Variants in GLI3 observed in about 807,000 individuals in gnomAD.
GLI3 encodes the protein GLI family zinc finger 3, also known as transcription activator GLI3.
A neutral mutation model predicts 100.8 loss-of-function variants in GLI3; 20 were observed. The ratio of observed to expected loss-of-function variants is 0.20; its 90% CI spans 0.14 to 0.29. GLI3 has a LOEUF of 0.29. GLI3 is among the 10% of genes least tolerant of loss of function. GLI3 has a pLI of 1.00. For synonymous variants in GLI3, 938 were observed against 860.5 expected, an observed-to-expected ratio of 1.09 and a Z score of -1.58; for missense variants, 2,040 against 2,128.5, an observed-to-expected ratio of 0.96 and a Z score of 0.82.
In GLI3 at chr7:42,026,266, G is replaced by C; in HGVS notation, c.1175C>G (p.Pro392Arg). 1 of 1,614,098 alleles carries C rather than the reference G, an allele frequency of 6.2e-7. No homozygotes were observed. Among genetic ancestry groups the C allele is most frequent in the Non-Finnish European group, 8.5e-7 (1 of 1,180,006 alleles). ...CAGAACCGTAGGGATCCCTGGAATA[G>C]GCCTCTGTGTTGGAAAAGTTGGGGC... ...HPAPTFPTQR[P>R]IPGIPTVLNP... is the part of the protein sequence containing the mutation. The change falls in exon 8 of 15, where the codon CCT becomes CGT. Residue 392 changes from proline (P) to arginine (R), a missense_variant. Physicochemically the swap from Pro to Arg is moderately radical, Grantham distance 103 (BLOSUM62 -2). This residue lies in a region of GLI3 where 603 missense variants were observed against 690.9 expected (regional missense o/e 0.87). Transcript: ENST00000395925.
intron 3 of GLI3, among the ~76,000 whole-genome samples, chr7:42,136,451 G>A (rs1368039334): frequency 6.6e-6 from 1 of 152,116 alleles, no homozygotes; most frequent in East Asian, 1.9e-4. Context: ...CACATAATGA[G>A]GTCCTCAGCC....
intron 2 of GLI3, among the ~76,000 whole-genome samples, chr7:42,174,572 T>C (rs181598554): frequency 3.3e-5 from 5 of 152,268 alleles, no homozygotes; most frequent in Admixed American, 1.3e-4. Context: ...AATCAGCCCT[T>C]TGCCCAACGA....
rs3735361 is a variant in GLI3, at chr7:41,961,326, C to A, written c.*3004G>T. On this transcript the variant is annotated 3_prime_UTR_variant, in exon 15 of 15. Coordinates refer to ENST00000395925, the MANE Select transcript of GLI3 (RefSeq NM_000168.6). The stretch of plus-strand genomic sequence containing the variant: ...ATCCTCCTATCAGTTCAAAACAACA[C>A]ATGAAACCAGGATACAAGACAGCCT... 31 of 152,304 alleles carry A rather than the reference C, an allele frequency of 2.0e-4. No homozygotes were observed. The allele number at this position is 152,304 out of a possible 1,614,324, so 9.4% of individuals were successfully genotyped here.
At chr7:42,144,937 G>T (rs1399526750) in intron 3 of GLI3, among the ~76,000 whole-genome samples, 1 of 152,160 alleles carries the variant, frequency 6.6e-6, no homozygotes, top group Non-Finnish European at 1.5e-5. Context: ...AGATGTTTCT[G>T]AACTTGAGCT....
intron 4 of GLI3, among the ~76,000 whole-genome samples, chr7:42,055,078 TGTATATATACATATATAC>T (rs910580429): frequency 1.0e-4 from 14 of 137,620 alleles, no homozygotes; most frequent in African/African-American, 4.3e-4. Context: ...TACATATATA[TGTATATATACATATATAC>T]ACATATATGT....
Position 41,964,499 on chromosome 7 carries a change from G to A in GLI3, c.4574C>T (p.Pro1525Leu), listed in dbSNP as rs754037065. Residue 1525 changes from proline to leucine, a missense_variant, in exon 15 of 15, where the codon CCA (proline) becomes CTA (leucine). This residue lies in a region of GLI3 where 1,041 missense variants were observed against 924.0 expected (regional missense o/e 1.13). Coordinates refer to ENST00000395925, the MANE Select transcript of GLI3 (RefSeq NM_000168.6). ...ATGGGAAAGGTTCTGAATGATACTT[G>A]GGCTCAGGGCCCCCGACATCAGGCT... Reference protein sequence around the residue: ...HSSLMSGALSPSIIQNLSHSS... With the variant: ...HSSLMSGALSLSIIQNLSHSS... The A allele has an allele frequency of 3.8e-5, 62 of 1,614,016 alleles. No individual in the cohort carries two copies. The highest frequency in any genetic ancestry group is 2.0e-4 in the South Asian group (18 of 91,088).
chr7:42,187,700 T>C (rs1036706208), intron 2 of GLI3, among the ~76,000 whole-genome samples: 1 of 152,020 alleles, frequency 6.6e-6, no homozygotes, highest in Non-Finnish European at 1.5e-5. Flanking sequence ...CAATTAGTGG[T>C]GTCCTTACGA....
chr7:41,968,746 A>AGG (rs1562661983), intron 13 of GLI3, among the ~76,000 whole-genome samples: 6 of 131,682 alleles, frequency 4.6e-5, no homozygotes, highest in Admixed American at 2.1e-4. Context: ...GAAAGAAAGA[A>AGG]AGAAAGAAAG....
chr7:42,104,553 A>G (rs1004255269), intron 3 of GLI3, among the ~76,000 whole-genome samples: 1 of 152,272 alleles, frequency 6.6e-6, no homozygotes, highest in Non-Finnish European at 1.5e-5. Context: ...GTGTGAGATT[A>G]TGAAATCATC....
At chr7:42,086,570 T>C (rs964416157) in intron 3 of GLI3, among the ~76,000 whole-genome samples, 1 of 152,060 alleles carries the variant, frequency 6.6e-6, no homozygotes, top group Non-Finnish European at 1.5e-5. Flanking sequence ...CACCTCCCCA[T>C]CCGAGAGTCA....
At chr7:42,231,681 C>T (rs1036745090) in intron 1 of GLI3, among the ~76,000 whole-genome samples, 1 of 152,202 alleles carries the variant, frequency 6.6e-6, no homozygotes, top group African/African-American at 2.4e-5. Context: ...GATGAAATTT[C>T]TCTACACACT....
chr7:42,143,052 A>C (rs765557104), intron 3 of GLI3, among the ~76,000 whole-genome samples: 36 of 152,212 alleles, frequency 2.4e-4, no homozygotes, highest in Non-Finnish European at 3.7e-4. Context: ...TAAGAGAAAG[A>C]CAAGAATAAG....
Position 41,966,092 on chromosome 7 carries a change from G to T in GLI3, c.2981C>A (p.Pro994Gln), listed in dbSNP as rs772285708. 6.4e-7 allele frequency: 1 copy of T among 1,569,870 alleles called. No individual in the cohort carries two copies. Residue 994 changes from proline to glutamine, a missense_variant, in exon 15 of 15, where the codon CCG becomes CAG. Around this residue, in one of 5 missense-constraint regions of GLI3, gnomAD observed 1,041 missense variants for 924.0 expected, o/e 1.13. Transcript: ENST00000395925. The surrounding 1 kb of genome is among the most constrained non-coding windows in gnomAD (Gnocchi z 5.8). ...AHGYGRRHLQ[P>Q]HDAPGHGVRR... ...CACGCCGTGGCCCGGCGCATCGTGC[G>T]GCTGCAGGTGGCGCCGCCCGTAGCC...
At chr7:42,005,458 TACACACACACAC>T (rs3030321) in intron 10 of GLI3, among the ~76,000 whole-genome samples, 8 of 143,518 alleles carry the variant, frequency 5.6e-5, no homozygotes, top group African/African-American at 1.3e-4. Flanking sequence ...TGAATTCACA[TACACACACACAC>T]ACACACACAC....
At chr7:42,225,631 G>A (rs1043181077) in intron 1 of GLI3, among the ~76,000 whole-genome samples, 4 of 152,242 alleles carry the variant, frequency 2.6e-5, no homozygotes, top group Non-Finnish European at 5.9e-5. Context: ...AAAGTGCTGG[G>A]AGTACAGGCG....
intron 10 of GLI3, among the ~76,000 whole-genome samples, chr7:41,994,847 C>A (rs1289049406): frequency 6.6e-6 from 1 of 152,174 alleles, no homozygotes; most frequent in Non-Finnish European, 1.5e-5. Flanking sequence ...TCTTTAAAAT[C>A]TTTCATTTGA....
At chr7:41,974,808 A>G (rs1408688905) in intron 12 of GLI3, among the ~76,000 whole-genome samples, 2 of 152,218 alleles carry the variant, frequency 1.3e-5, no homozygotes, top group Non-Finnish European at 2.9e-5. Context: ...TTTTATTAGG[A>G]GTCATTTTAC....
At chr7:42,208,951 T>C (rs1017242424) in intron 2 of GLI3, among the ~76,000 whole-genome samples, 1 of 152,256 alleles carries the variant, frequency 6.6e-6, no homozygotes, top group African/African-American at 2.4e-5. Flanking sequence ...TTGTGGCAGC[T>C]AATTGTAATT....
rs1443523787 is a variant in GLI3, at chr7:41,964,892, C to A, written c.4181G>T (p.Arg1394Leu). ...AAGGCTGTCCCTCGGCATAGCCTGG[C>A]GCCTGCTGCCCCCAAAGCTGGCACA... ...QPCASFGGSR[R>L]QAMPRDSLAL... Residue 1394 changes from arginine to leucine, a missense_variant, in exon 15 of 15, where the codon CGC becomes CTC. Arg to Leu is a moderately radical substitution (Grantham distance 102). Around this residue, in one of 5 missense-constraint regions of GLI3, gnomAD observed 1,041 missense variants for 924.0 expected, o/e 1.13. Coordinates refer to ENST00000395925, the MANE Select transcript of GLI3 (RefSeq NM_000168.6). The A allele has an allele frequency of 1.2e-6, 2 of 1,613,708 alleles. No individual in the cohort carries two copies. Among genetic ancestry groups the A allele is most frequent in the Non-Finnish European group, 1.7e-6 (2 of 1,180,044 alleles).
Sources: gnomAD v4.1 joint callset for allele counts (sites outside exome capture counted in the v4.1 genomes callset) on GRCh38, gnomAD v4.1.1 for gene constraint, gnomAD v4.1.1 regional missense constraint, Gnocchi (gnomAD v3.1) non-coding constraint, MANE v1.5 for transcripts, NCBI Gene and HGNC (gene_info 2026-07-23, HGNC 2026-07-21) for gene names.